DNAH7: variants seen among roughly 807,000 people sequenced by gnomAD.
DNAH7 encodes dynein axonemal heavy chain 7, also known as axonemal beta dynein heavy chain 7.
In DNAH7, 397 loss-of-function variants were observed where a neutral mutation model predicts 444.6. That is an observed-to-expected ratio of 0.89 (90% CI 0.82 to 0.97). The LOEUF is 0.97. DNAH7 is among the 50% of genes least tolerant of loss of function. DNAH7 has a pLI of 0.00. For missense variants in DNAH7, 4,902 were observed against 4,800.8 expected (o/e 1.02, Z -0.62); for synonymous variants, 1,636 against 1,624.4 (o/e 1.01, Z -0.17).
intron 15 of DNAH7, 137 bp from the exon 16 acceptor site, chr2:195,972,603 C>A: frequency 1.6e-6 from 1 of 612,440 alleles, no homozygotes. Context: ...GGGACTACAG[C>A]ATAGTTTCCT....
intron 19 of DNAH7, among the ~76,000 whole-genome samples, chr2:195,954,427 C>T (rs1232368277): frequency 1.3e-5 from 2 of 152,180 alleles, no homozygotes; most frequent in Non-Finnish European, 2.9e-5. Flanking sequence ...CAGTCTATCA[C>T]TGATGGACAC....
At chr2:195,782,655 T>C (rs1019762471) in intron 58 of DNAH7, among the ~76,000 whole-genome samples, 3 of 152,216 alleles carry the variant, frequency 2.0e-5, no homozygotes, top group African/African-American at 7.2e-5. Context: ...GTTCAGCATT[T>C]AAAAAGACAT....
chr2:195,796,693 GC>G lies in DNAH7; in HGVS notation c.10397del (p.Gly3466AlafsTer7). ...ACATCTTCATAGCAATGGGCCCTTGGCCTTGACCAAGAGATAAAGAGCTAAG... is the reference window on the plus strand; with the variant it reads ...ACATCTTCATAGCAATGGGCCCTTGGCTTGACCAAGAGATAAAGAGCTAAG... Reference protein sequence around the residue: ...SKLSSLSLGQGQGPIAMKMLE... With the variant: ...SKLSSLSLGQXQGPIAMKMLE... On this transcript the variant is annotated frameshift_variant, in exon 56 of 65. Transcript: ENST00000312428. LOFTEE classifies it high-confidence loss of function. 2 of 1,614,102 alleles carry G rather than the reference GC, an allele frequency of 1.2e-6. No individual in the cohort carries two copies. Among genetic ancestry groups the G allele is most frequent in the South Asian group, 2.2e-5 (2 of 91,076 alleles).
intron 51 of DNAH7, among the ~76,000 whole-genome samples, 189 bp downstream of exon 51, chr2:195,816,439 G>A (rs1697222485): frequency 6.6e-6 from 1 of 152,088 alleles, no homozygotes; most frequent in South Asian, 2.1e-4. Context: ...TTTCTTGGCA[G>A]ATTGAATTTG....
At chr2:195,738,203 A>G in intron 64 of DNAH7, 76 bp from the exon 65 acceptor site, 1 of 1,318,664 alleles carries the variant, frequency 7.6e-7, no homozygotes, top group Non-Finnish European at 1.1e-6. Flanking sequence ...CTACTATAGT[A>G]TTCTCAGAGT....
chr2:196,060,060 A>G (rs1234425728), intron 1 of DNAH7, among the ~76,000 whole-genome samples: 1 of 152,118 alleles, frequency 6.6e-6, no homozygotes, highest in African/African-American at 2.4e-5. Flanking sequence ...CTAAAAATAC[A>G]AAAAACAATT....
At chr2:195,794,225 G>T in intron 57 of DNAH7, 113 bp downstream of exon 57, 1 of 883,174 alleles carries the variant, frequency 1.1e-6, no homozygotes, top group African/African-American at 1.6e-5. Flanking sequence ...CTGCACTGCG[G>T]TGCAGGAGGC....
At chr2:195,907,297 TA>T (rs1687088210) in intron 25 of DNAH7, among the ~76,000 whole-genome samples, 1 of 152,142 alleles carries the variant, frequency 6.6e-6, no homozygotes, top group Admixed American at 6.5e-5. Flanking sequence ...TCCTGCTTTT[TA>T]TTTACAAGTT....
chr2:195,875,605 TCCAG>T lies in DNAH7; in HGVS notation c.6286+66_6286+69del. ...ACTGCAACTCAAAAGAGGATTTTTTTCCAGTTATTTCTTTAGCTATTGCTAGGGA... is the reference window on the plus strand; with the variant it reads ...ACTGCAACTCAAAAGAGGATTTTTTTTTATTTCTTTAGCTATTGCTAGGGA... On this transcript the variant is annotated intron_variant, in intron 38 of 64. Coordinates refer to ENST00000312428, the MANE Select transcript of DNAH7 (RefSeq NM_018897.3). 4 of 1,426,518 alleles carry T rather than the reference TCCAG, an allele frequency of 2.8e-6. No homozygotes were observed. The Admixed American group carries it at 7.0e-5, about 25-fold the overall frequency. The allele number at this position is 1,426,518 out of a possible 1,614,324, so 88.4% of individuals were successfully genotyped here. A position where few individuals can be genotyped will look rare whatever the true frequency, so the allele number is the denominator to read the frequency against.
intron 24 of DNAH7, among the ~76,000 whole-genome samples, chr2:195,913,432 GAATA>G (rs1228553257): frequency 6.6e-6 from 1 of 151,982 alleles, no homozygotes; most frequent in Non-Finnish European, 1.5e-5. Flanking sequence ...TGAGATAAAT[GAATA>G]AAGAAAACTC....
chr2:195,793,008 C>T (rs1695959727), intron 57 of DNAH7, among the ~76,000 whole-genome samples: 1 of 152,132 alleles, frequency 6.6e-6, no homozygotes, highest in South Asian at 2.1e-4. Context: ...TGGCTCACTG[C>T]AGCCTTAAAC....
chr2:195,855,572 T>C (rs1375102519), intron 45 of DNAH7, among the ~76,000 whole-genome samples: 1 of 152,150 alleles, frequency 6.6e-6, no homozygotes, highest in Non-Finnish European at 1.5e-5. Context: ...CTGAGGATAT[T>C]TACATATTTC....
chr2:195,798,708 T>TG (rs1340998951), intron 55 of DNAH7, among the ~76,000 whole-genome samples: 6 of 151,608 alleles, frequency 4.0e-5, no homozygotes, highest in Non-Finnish European at 7.4e-5. Flanking sequence ...CACGCCCAGC[T>TG]AATTTTTTTT....
At chr2:196,015,657 A>G (rs1206706367) in intron 9 of DNAH7, among the ~76,000 whole-genome samples, 1 of 152,222 alleles carries the variant, frequency 6.6e-6, no homozygotes, top group Non-Finnish European at 1.5e-5. Flanking sequence ...TCTAGAGAGC[A>G]TCTTATCAGG....
At chr2:195,740,607 GTGTGTGTGTATATATATATATATATA>G (rs1478509145) in intron 64 of DNAH7, among the ~76,000 whole-genome samples, 133 bp downstream of exon 64, 1 of 55,106 alleles carries the variant, frequency 1.8e-5, no homozygotes, top group East Asian at 3.1e-4. Context: ...GTGTGTGTGT[GTGTGTGTGTATATATATATATATATA>G]TATATATATA....
At chr2:195,985,672 T>A (rs1044637399) in intron 14 of DNAH7, among the ~76,000 whole-genome samples, 31 of 152,086 alleles carry the variant, frequency 2.0e-4, no homozygotes, top group African/African-American at 7.0e-4. Flanking sequence ...AGAGGCATAA[T>A]TAGGAGAAAA....
intron 62 of DNAH7, among the ~76,000 whole-genome samples, chr2:195,755,287 G>T (rs765167037): frequency 6.6e-6 from 1 of 152,116 alleles, no homozygotes; most frequent in Non-Finnish European, 1.5e-5. Flanking sequence ...ACACAATATT[G>T]TACAAGGAAT....
At chr2:195,771,951 G>T in intron 60 of DNAH7, 61 bp from the exon 61 acceptor site, 2 of 1,359,416 alleles carry the variant, frequency 1.5e-6, no homozygotes, top group Non-Finnish European at 1.1e-6. Flanking sequence ...TAGCTGAATA[G>T]GAAAAATCCT....
chr2:196,036,397 C>T (rs940301259), intron 5 of DNAH7, among the ~76,000 whole-genome samples: 3 of 152,154 alleles, frequency 2.0e-5, no homozygotes, highest in African/African-American at 7.2e-5. Context: ...AATAGCATGG[C>T]ATTGGCTGAA....
Sources: allele counts gnomAD v4.1 joint callset (sites outside exome capture counted in the v4.1 genomes callset), GRCh38; gene constraint gnomAD v4.1.1; transcripts MANE v1.5; gene names NCBI Gene and HGNC (gene_info 2026-07-23, HGNC 2026-07-21).